Variants in BDP1 observed in about 807,000 individuals in gnomAD.
The protein encoded by BDP1 is BDP1 general transcription factor IIIB subunit, also known as transcription factor TFIIIB component B'' homolog.
Under a neutral mutation model 266.6 loss-of-function variants are expected in BDP1, and 169 were observed. The ratio of observed to expected loss-of-function variants is 0.63; its 90% CI spans 0.56 to 0.72. The LOEUF (loss-of-function observed/expected upper bound fraction) is 0.72, where lower values mean the gene tolerates loss of function less well. Ranked by LOEUF, BDP1 falls within the 30% of genes least tolerant of loss-of-function variation. The pLI, the probability that BDP1 is intolerant of heterozygous loss-of-function variation, is 0.00. For missense variants in BDP1, 3,015 were observed against 3,053.8 expected (o/e 0.99, Z 0.30); for synonymous variants, 1,090 against 1,022.4 (o/e 1.07, Z -1.26).
chr5:71,570,868 A>G (rs1001365991), downstream of BDP1, among the ~76,000 whole-genome samples: 3 of 152,220 alleles, frequency 2.0e-5, no homozygotes, highest in African/African-American at 7.2e-5. Flanking sequence ...CTTGGGAGTT[A>G]TGGTTAGGGG....
intron 11 of BDP1, among the ~76,000 whole-genome samples, chr5:71,492,447 G>A (rs1763651189): frequency 6.6e-6 from 1 of 152,088 alleles, no homozygotes; most frequent in Admixed American, 6.5e-5. Context: ...ACAGGTAGAA[G>A]GTGGTTTCTT....
At chr5:71,478,697 A>G (rs1762748498) in intron 7 of BDP1, among the ~76,000 whole-genome samples, 1 of 151,740 alleles carries the variant, frequency 6.6e-6, no homozygotes, top group Non-Finnish European at 1.5e-5. Context: ...CTGTATGACG[A>G]TGATATGCCT....
At chr5:71,495,205 A>T in intron 11 of BDP1, 45 bp from the exon 12 acceptor site, 1 of 1,194,464 alleles carries the variant, frequency 8.4e-7, no homozygotes, top group African/African-American at 1.6e-5. Flanking sequence ...TAAAATATAT[A>T]TCATTAGGAA....
intron 8 of BDP1, among the ~76,000 whole-genome samples, chr5:71,486,209 G>A (rs1763250066): frequency 6.6e-6 from 1 of 152,072 alleles, no homozygotes; most frequent in South Asian, 2.1e-4. Flanking sequence ...TAGTTTATTT[G>A]CAATAAACAA....
intron 36 of BDP1, among the ~76,000 whole-genome samples, chr5:71,557,375 ATTTTTTTTTTTTT>A (rs55810132): frequency 1.2e-3 from 128 of 103,338 alleles, no homozygotes; most frequent in Admixed American, 1.2e-3. Context: ...TGCCAAGCTA[ATTTTTTTTTTTTT>A]TTTTTTTTTT....
rs114376967 is a variant in BDP1, at chr5:71,482,318, G to C, written c.1015-1524G>C. ...CCTCCCTTTCCTTGGTTAGGAAATT[G>C]AGCCCAGGCAGAGAGCCAAGGTAAA... On this transcript the variant is annotated intron_variant, in intron 7 of 38. Transcript: ENST00000358731. 3.5e-3 allele frequency among the ~76,000 whole-genome samples: 526 copies of C among 152,276 alleles called. 3 individuals are homozygous for C. The highest frequency in any genetic ancestry group is 0.012 in the African/African-American group (496 of 41,560).
chr5:71,490,395 G>T (rs887186337), intron 10 of BDP1, among the ~76,000 whole-genome samples: 1 of 152,098 alleles, frequency 6.6e-6, no homozygotes, highest in South Asian at 2.1e-4. Flanking sequence ...GAGTCATTAC[G>T]TATAATGCAG....
intron 37 of BDP1, 66 bp downstream of exon 37, chr5:71,560,303 C>A: frequency 2.7e-6 from 4 of 1,487,962 alleles, no homozygotes; most frequent in Non-Finnish European, 3.6e-6. Flanking sequence ...CTATACAGAA[C>A]AGATTAGATC....
chr5:71,523,995 C>A lies in BDP1; in HGVS notation c.5444C>A (p.Thr1815Lys), dbSNP rs758358136. Residue 1815 changes from threonine to lysine, a missense_variant, in exon 25 of 39, where the codon ACA becomes AAA. Coordinates refer to ENST00000358731, the MANE Select transcript of BDP1 (RefSeq NM_018429.3). Reference protein sequence around the residue: ...SYSKIALDGKTTISSTSEYER... With the variant: ...SYSKIALDGKKTISSTSEYER... ...TCTAAAATTGCCCTGGATGGGAAAA[C>A]AACTATCTCTTCTACATCTGAGTAT... 6.2e-7 allele frequency: 1 copy of A among 1,614,114 alleles called. No individual in the cohort carries two copies. Among genetic ancestry groups the A allele is most frequent in the East Asian group, 2.2e-5 (1 of 44,882 alleles).
the BDP1 span, among the ~76,000 whole-genome samples, chr5:71,576,527 C>G: frequency 6.6e-6 from 1 of 152,066 alleles, no homozygotes; most frequent in Non-Finnish European, 1.5e-5. Context: ...GCCCAATCGC[C>G]TTCATTGTGC....
intron 6 of BDP1, among the ~76,000 whole-genome samples, chr5:71,469,135 T>G (rs1258100800): frequency 6.6e-6 from 1 of 152,018 alleles, no homozygotes; most frequent in African/African-American, 2.4e-5. Context: ...AAGTGTAACT[T>G]CTGTTAGTAG....
chr5:71,461,956 C>CTTTT, intron 3 of BDP1, 30 bp downstream of exon 3: 1 of 725,328 alleles, frequency 1.4e-6, no homozygotes, highest in East Asian at 2.9e-5. Context: ...GCTTTACTAT[C>CTTTT]TCTTTTTTTT....
At position 71,504,700 on chromosome 5, in the gene BDP1, C is replaced by T; in HGVS notation, c.2321C>T (p.Ser774Phe). 6.2e-7 allele frequency: 1 copy of T among 1,613,580 alleles called. No individual in the cohort carries two copies. The highest frequency in any genetic ancestry group is 1.3e-5 in the African/African-American group (1 of 75,014). ...ATATTACAGCCTGAGAAAAATGATT[C>T]TTTTCAAAATGTGCAGCCAGATGAG... Reference protein sequence around the residue: ...DVILQPEKNDSFQNVQPDEPK... With the variant: ...DVILQPEKNDFFQNVQPDEPK... The change falls in exon 16 of 39, where the codon TCT becomes TTT. Residue 774 changes from serine to phenylalanine, a missense_variant. Transcript: ENST00000358731.
chr5:71,542,330 A>T, intron 30 of BDP1, 65 bp downstream of exon 30: 1 of 1,371,636 alleles, frequency 7.3e-7, no homozygotes, highest in Non-Finnish European at 1.0e-6. Context: ...TTAACATTTC[A>T]AAGAAATATT....
At position 71,522,501 on chromosome 5, in the gene BDP1, G is replaced by GAA; in HGVS notation, c.5193+11_5193+12insAA. The GAA allele has an allele frequency of 2.1e-5, 31 of 1,471,678 alleles. No individual in the cohort carries two copies. Among genetic ancestry groups the GAA allele is most frequent in the South Asian group, 1.3e-4 (10 of 76,632 alleles). The allele number at this position is 1,471,678 out of a possible 1,614,324, so 91.2% of individuals were successfully genotyped here. ...CAGCTCCTTCTAAAAGTAAGTTTGG[G>GAA]CAAAAAAAAAAAAAAAATTTTTTTT... On this transcript the variant is annotated intron_variant, in intron 23 of 38. Coordinates refer to ENST00000358731, the MANE Select transcript of BDP1 (RefSeq NM_018429.3).
At chr5:71,555,411 T>C (rs1743143242) in intron 35 of BDP1, among the ~76,000 whole-genome samples, 2 of 152,084 alleles carry the variant, frequency 1.3e-5, no homozygotes, top group South Asian at 2.1e-4. Context: ...AGTATCATCA[T>C]ACTGTTTGAA....
Position 71,510,312 on chromosome 5 carries a change from A to G in BDP1, c.3220A>G (p.Arg1074Gly), listed in dbSNP as rs374352829. The G allele has an allele frequency of 6.2e-7, 1 of 1,613,832 alleles. No homozygotes were observed. The highest frequency in any genetic ancestry group is 1.1e-5 in the South Asian group (1 of 91,042). Residue 1074 changes from arginine to glycine, a missense_variant, in exon 17 of 39, where the codon AGG (arginine) becomes GGG (glycine). Arg to Gly is a moderately radical substitution (Grantham distance 125). Around this residue, in one of 3 missense-constraint regions of BDP1, gnomAD observed 2,383 missense variants for 2,404.9 expected, o/e 0.99. Coordinates refer to ENST00000358731, the MANE Select transcript of BDP1 (RefSeq NM_018429.3). ...LKATGRDSFP[R>G]GKTPEVIDAI... is the part of the protein sequence containing the mutation. ...AGCAACTGGAAGAGACAGTTTCCCA[A>G]GGGGGAAGACACCAGAGGTGATTGA...
chr5:71,499,111 T>C (rs1050208513), intron 13 of BDP1, among the ~76,000 whole-genome samples: 4 of 151,940 alleles, frequency 2.6e-5, no homozygotes, highest in Non-Finnish European at 5.9e-5. Flanking sequence ...TTCTTTGTTT[T>C]GTTTTTGAGA....
At chr5:71,516,319 A>C (rs1371104777) in intron 21 of BDP1, 48 bp downstream of exon 21, 2 of 1,388,254 alleles carry the variant, frequency 1.4e-6, no homozygotes, top group Non-Finnish European at 2.0e-6. Flanking sequence ...TGCATTTAAA[A>C]TGTCAAGTTA....
Sources: gnomAD v4.1 joint callset for allele counts (sites outside exome capture counted in the v4.1 genomes callset) on GRCh38, gnomAD v4.1.1 for gene constraint, gnomAD v4.1.1 regional missense constraint, MANE v1.5 for transcripts, NCBI Gene and HGNC (gene_info 2026-07-23, HGNC 2026-07-21) for gene names.